The following C1orf185 variants were observed in gnomAD, a reference collection of about 807,000 sequenced individuals.
The protein encoded by C1orf185 is uncharacterized protein C1orf185.
A neutral mutation model predicts 16.1 loss-of-function variants in C1orf185; 13 were observed. The observed-to-expected ratio is 0.81, with a 90% CI of 0.53 to 1.28. The LOEUF is 1.28. Among genes scored for constraint, C1orf185 ranks in the 50% most tolerant of loss-of-function variants. The pLI is 0.00. For synonymous variants in C1orf185, 80 were observed against 76.9 expected (o/e 1.04, Z -0.21); for missense variants, 220 against 225.2 (o/e 0.98, Z 0.15).
chr1:51,133,188 G>A (rs1478700767), intron 3 of C1orf185, among the ~76,000 whole-genome samples: 1 of 152,056 alleles, frequency 6.6e-6, no homozygotes, highest in East Asian at 1.9e-4. Context: ...AATGATGACA[G>A]GATCAAATCC....
intron 2 of C1orf185, among the ~76,000 whole-genome samples, chr1:51,118,091 T>C (rs1646170434): frequency 6.6e-6 from 1 of 152,096 alleles, no homozygotes; most frequent in South Asian, 2.1e-4. Flanking sequence ...TTTTTTTGTA[T>C]GTGTTTTTAG....
chr1:51,122,081 C>A lies in C1orf185; in HGVS notation c.258+3280C>A, dbSNP rs533282864. Among the ~76,000 whole-genome samples, 5 of 152,212 alleles carry A rather than the reference C, an allele frequency of 3.3e-5. No individual in the cohort carries two copies. The South Asian group carries it at 1.0e-3, about 32-fold the overall frequency. ...CAGTATTGCATTTCTGAAATTCCTC[C>A]AGTTGATGTATGTAGCCATAGTTCA... is the stretch of plus-strand genomic sequence containing the variant. On this transcript the variant is annotated intron_variant, in intron 3 of 4. Coordinates refer to ENST00000371759, the MANE Select transcript of C1orf185 (RefSeq NM_001136508.2).
At chr1:51,123,741 A>G (rs1396151026) in intron 3 of C1orf185, among the ~76,000 whole-genome samples, 1 of 152,060 alleles carries the variant, frequency 6.6e-6, no homozygotes, top group African/African-American at 2.4e-5. Flanking sequence ...TTTAATTTGC[A>G]ATTCCCTAGT....
chr1:51,117,048 T>A (rs1018027063), intron 2 of C1orf185, among the ~76,000 whole-genome samples: 1 of 152,102 alleles, frequency 6.6e-6, no homozygotes, highest in Non-Finnish European at 1.5e-5. Flanking sequence ...GTTATTAATG[T>A]CTGTCTTCTT....
At chr1:51,129,484 T>C (rs1359673749) in intron 3 of C1orf185, among the ~76,000 whole-genome samples, 1 of 152,140 alleles carries the variant, frequency 6.6e-6, no homozygotes, top group African/African-American at 2.4e-5. Context: ...CAATCATAGG[T>C]CACTGTAACC....
Position 51,147,684 on chromosome 1 carries a change from G to T in C1orf185, c.513G>T (p.Gly171=). 2.6e-6 allele frequency: 4 copies of T among 1,551,214 alleles called. No individual in the cohort carries two copies. The highest frequency in any genetic ancestry group is 3.5e-6 in the Non-Finnish European group (4 of 1,146,792). The change falls in exon 5 of 5, where the codon GGG becomes GGT. Residue 171 remains glycine (G), a synonymous_variant. Transcript: ENST00000371759. ...GGAACTCTCCAATGCCTTCTCTCGGGGAACCTCTAATGGAAAAAGTATTTT... is the reference window on the plus strand; with the variant it reads ...GGAACTCTCCAATGCCTTCTCTCGGTGAACCTCTAATGGAAAAAGTATTTT... The part of the protein sequence containing the change: ...VKRNSPMPSL[G]EPLMEKVFSY...
At chr1:51,126,937 G>C (rs2148021113) in intron 3 of C1orf185, among the ~76,000 whole-genome samples, 1 of 151,774 alleles carries the variant, frequency 6.6e-6, no homozygotes, top group South Asian at 2.1e-4. Context: ...CAGTTTTGAG[G>C]AGTGCTGGTC....
chr1:51,111,786 C>T (rs1236224098), intron 1 of C1orf185, among the ~76,000 whole-genome samples: 2 of 152,148 alleles, frequency 1.3e-5, no homozygotes, highest in Admixed American at 1.3e-4. Flanking sequence ...TCCCAAAGTG[C>T]TGGGATTACA....
intron 3 of C1orf185, among the ~76,000 whole-genome samples, chr1:51,126,180 C>G (rs2148020602): frequency 6.6e-6 from 1 of 152,304 alleles, no homozygotes; most frequent in Middle Eastern, 3.4e-3. Context: ...CCCACTGCAA[C>G]TGAGAAACTC....
chr1:51,151,437 C>T (rs1338773615), downstream of C1orf185, among the ~76,000 whole-genome samples: 1 of 152,006 alleles, frequency 6.6e-6, no homozygotes. Context: ...TAATCTGAAA[C>T]TCTGAACAAG....
intron 3 of C1orf185, among the ~76,000 whole-genome samples, chr1:51,133,710 T>C (rs1646302334): frequency 1.3e-5 from 2 of 152,224 alleles, no homozygotes; most frequent in Admixed American, 6.5e-5. Context: ...ATGGGCCTGA[T>C]AGACATCTGC....
rs1393044386 is a variant in C1orf185, at chr1:51,118,755, G to T, written c.212G>T (p.Cys71Phe). The change falls in exon 3 of 5, where the codon TGT (cysteine) becomes TTT (phenylalanine). Residue 71 changes from cysteine to phenylalanine, a missense_variant. By Grantham distance (205) the Cys-to-Phe change is radical (BLOSUM62 -2). Coordinates refer to ENST00000371759, the MANE Select transcript of C1orf185 (RefSeq NM_001136508.2). ...GCGAAGATTAAATCTCATTCTCAGT[G>T]TGTTTTTATTTCTCGAAATTTTCAT... The part of the protein sequence containing the change: ...SMAKIKSHSQ[C>F]VFISRNFHTG... The T allele has an allele frequency of 6.7e-7, 1 of 1,491,350 alleles. No homozygotes were observed. Among genetic ancestry groups the T allele is most frequent in the Non-Finnish European group, 9.0e-7 (1 of 1,111,556 alleles). 92.4% of individuals were successfully genotyped at this position (1,491,350 alleles called of 1,614,324 possible). A position where few individuals can be genotyped will look rare whatever the true frequency, so the allele number is the denominator to read the frequency against.
intron 3 of C1orf185, among the ~76,000 whole-genome samples, chr1:51,121,967 C>T (rs1170357523): frequency 6.6e-6 from 1 of 152,086 alleles, no homozygotes; most frequent in Non-Finnish European, 1.5e-5. Context: ...CCTTACTTTT[C>T]CTTATAGTTT....
At chr1:51,143,215 CCTT>C (rs1028961817) in intron 3 of C1orf185, among the ~76,000 whole-genome samples, 36 of 152,178 alleles carry the variant, frequency 2.4e-4, no homozygotes, top group African/African-American at 8.0e-4. Context: ...ATACGAATAT[CCTT>C]CTTTTTATCA....
chr1:51,124,549 C>G (rs572052326), intron 3 of C1orf185, among the ~76,000 whole-genome samples: 1 of 152,162 alleles, frequency 6.6e-6, no homozygotes, highest in Non-Finnish European at 1.5e-5. Context: ...AATTCATAGG[C>G]AGCACATCCA....
chr1:51,147,127 T>C (rs1646405790), intron 4 of C1orf185, among the ~76,000 whole-genome samples: 1 of 152,174 alleles, frequency 6.6e-6, no homozygotes, highest in Non-Finnish European at 1.5e-5. Flanking sequence ...TTTACACAAA[T>C]TGAATAAGTG....
chr1:51,103,784 C>A (rs1385562656), intron 1 of C1orf185, among the ~76,000 whole-genome samples: 1 of 152,170 alleles, frequency 6.6e-6, no homozygotes, highest in African/African-American at 2.4e-5. Context: ...ATCTGCCTGC[C>A]TTGGCCTCCC....
downstream of C1orf185, among the ~76,000 whole-genome samples, chr1:51,150,337 CAT>C (rs1196874333): frequency 6.6e-6 from 1 of 151,976 alleles, no homozygotes; most frequent in South Asian, 2.1e-4. Flanking sequence ...GGACTACAGA[CAT>C]GTGCCAACAC....
intron 2 of C1orf185, among the ~76,000 whole-genome samples, chr1:51,117,825 T>G (rs1646168714): frequency 1.3e-5 from 2 of 152,228 alleles, no homozygotes; most frequent in Admixed American, 1.3e-4. Context: ...CTGCTTTCTT[T>G]TCTTTAACTC....
Sources: allele counts gnomAD v4.1 joint callset (sites outside exome capture counted in the v4.1 genomes callset), GRCh38; gene constraint gnomAD v4.1.1; transcripts MANE v1.5; gene names NCBI Gene and HGNC (gene_info 2026-07-23, HGNC 2026-07-21).